Variants in LGMN observed in about 807,000 individuals in gnomAD.
The protein encoded by LGMN is asparaginyl endopeptidase.
In LGMN, 36 loss-of-function variants were observed where a neutral mutation model predicts 56.8. The ratio of observed to expected loss-of-function variants is 0.63; its 90% CI spans 0.49 to 0.84. The LOEUF is 0.84. Ranked by LOEUF, LGMN falls within the 40% of genes least tolerant of loss-of-function variation. The pLI is 0.00. For missense variants in LGMN, 446 were observed against 556.1 expected (o/e 0.80, Z 1.99); for synonymous variants, 199 against 210.1 (o/e 0.95, Z 0.46).
At chr14:92,732,308 T>G in intron 2 of LGMN, 1 of 254,582 alleles carries the variant, frequency 3.9e-6, no homozygotes, top group South Asian at 5.1e-5. Flanking sequence ...CTGCTAAACC[T>G]CAAATGCACA....
Position 92,714,287 on chromosome 14 carries a change from T to G in LGMN, c.480+89A>C. On this transcript the variant is annotated intron_variant, in intron 6 of 13. Transcript: ENST00000334869. This position sits in a 1 kb window ranked among gnomAD's most constrained non-coding sequence, Gnocchi z 5.1. ...GTACAAACCAACCCTGGCAGGACAC[T>G]AGAAAATACACGCTATGGGTTTAAT... 1.1e-6 allele frequency: 1 copy of G among 917,064 alleles called. No homozygotes were observed. The highest frequency in any genetic ancestry group is 1.8e-6 in the Non-Finnish European group (1 of 571,052). 56.8% of individuals were successfully genotyped at this position (917,064 alleles called of 1,614,324 possible). A position where few individuals can be genotyped will look rare whatever the true frequency, so the allele number is the denominator to read the frequency against.
At chr14:92,736,338 G>C (rs939555908) in intron 1 of LGMN, among the ~76,000 whole-genome samples, 1 of 152,216 alleles carries the variant, frequency 6.6e-6, no homozygotes, top group Non-Finnish European at 1.5e-5. Context: ...GCTCACACCT[G>C]TAATCCCAGT....
At chr14:92,729,465 A>ACCCC (rs1890919898) in intron 2 of LGMN, among the ~76,000 whole-genome samples, 1 of 18,124 alleles carries the variant, frequency 5.5e-5, no homozygotes. Flanking sequence ...ACCTCAGATC[A>ACCCC]CGCCCCCCCC....
chr14:92,741,388 C>T (rs1891549517), intron 1 of LGMN: 1 of 152,158 alleles, frequency 6.6e-6, no homozygotes, highest in Admixed American at 6.5e-5. Flanking sequence ...AAGCCTACAC[C>T]TTAACCACCA....
At chr14:92,726,011 T>C (rs1331773927) in intron 2 of LGMN, among the ~76,000 whole-genome samples, 4 of 151,236 alleles carry the variant, frequency 2.6e-5, no homozygotes, top group African/African-American at 9.7e-5. Flanking sequence ...CTGAGGCAGG[T>C]GGATCATCAG....
rs1889981947 is a variant in LGMN at position 92,714,817 on chromosome 14, C to T, written c.405-366G>A. ...TCCAACCAGATCTCCCCAAAATGAC[C>T]TCAACACAGGCCTGCAGCCTCCCCC... is the stretch of plus-strand genomic sequence containing the variant. On this transcript the variant is annotated intron_variant, in intron 5 of 13. Coordinates refer to ENST00000334869, the MANE Select transcript of LGMN (RefSeq NM_005606.7). The surrounding 1 kb of genome is among the most constrained non-coding windows in gnomAD (Gnocchi z 5.1). 6.6e-6 allele frequency among the ~76,000 whole-genome samples: 1 copy of T among 152,096 alleles called. No individual in the cohort carries two copies. The highest frequency in any genetic ancestry group is 1.5e-5 in the Non-Finnish European group (1 of 68,028).
chr14:92,717,313 A>T, intron 4 of LGMN, 67 bp downstream of exon 4: 1 of 981,526 alleles, frequency 1.0e-6, no homozygotes, highest in Non-Finnish European at 1.6e-6. Flanking sequence ...GAAACAGAAG[A>T]AAGAGGGAAA....
chr14:92,719,297 C>T (rs1890307619), intron 2 of LGMN, among the ~76,000 whole-genome samples: 1 of 100,344 alleles, frequency 1.0e-5, no homozygotes, highest in African/African-American at 4.4e-5. Flanking sequence ...GCCGCCGCCG[C>T]CGCCACCGCC....
intron 1 of LGMN, among the ~76,000 whole-genome samples, chr14:92,740,645 C>T (rs1280920974): frequency 2.6e-5 from 4 of 152,192 alleles, no homozygotes; most frequent in African/African-American, 7.2e-5. Context: ...CAGTTTCCTC[C>T]GGCAGTAGGA....
At chr14:92,731,674 C>T (rs1465845713) in intron 2 of LGMN, among the ~76,000 whole-genome samples, 1 of 152,222 alleles carries the variant, frequency 6.6e-6, no homozygotes, top group African/African-American at 2.4e-5. Context: ...GAATAAATCA[C>T]ATTGTGTTTC....
At chr14:92,748,123 C>A (rs1428313578) in intron 1 of LGMN, among the ~76,000 whole-genome samples, 3 of 152,138 alleles carry the variant, frequency 2.0e-5, no homozygotes, top group Admixed American at 6.5e-5. Flanking sequence ...GTTCCTAGGT[C>A]GTAAAGGCTG....
intron 1 of LGMN, among the ~76,000 whole-genome samples, chr14:92,739,465 C>T (rs1419339514): frequency 6.6e-6 from 1 of 152,190 alleles, no homozygotes. Context: ...CATTCACCCC[C>T]ACCCCGAATC....
chr14:92,742,236 G>C (rs1373423590), intron 1 of LGMN, among the ~76,000 whole-genome samples: 2 of 150,034 alleles, frequency 1.3e-5, no homozygotes, highest in South Asian at 2.1e-4. Context: ...CCATACTGAA[G>C]TCTCTCTCTC....
chr14:92,710,233 G>A (rs2140210040), intron 10 of LGMN, among the ~76,000 whole-genome samples: 1 of 152,364 alleles, frequency 6.6e-6, no homozygotes, highest in East Asian at 1.9e-4. Context: ...CCCTTCATAT[G>A]TAAAAGAATA....
chr14:92,730,860 G>T (rs1224376354), intron 2 of LGMN, among the ~76,000 whole-genome samples: 1 of 151,750 alleles, frequency 6.6e-6, no homozygotes, highest in African/African-American at 2.4e-5. Context: ...AACTTGGGAG[G>T]TGGAAGCTGC....
intron 1 of LGMN, among the ~76,000 whole-genome samples, chr14:92,739,157 A>T (rs1001156740): frequency 6.6e-6 from 1 of 152,208 alleles, no homozygotes; most frequent in Admixed American, 6.5e-5. Flanking sequence ...CATGCCTCAA[A>T]GTAGCTACCT....
At chr14:92,713,418 A>G (rs1457834784) in intron 7 of LGMN, among the ~76,000 whole-genome samples, 3 of 152,066 alleles carry the variant, frequency 2.0e-5, no homozygotes, top group Non-Finnish European at 4.4e-5. Flanking sequence ...AAAGGGTGCT[A>G]TAGGGGTGAG....
At position 92,726,237 on chromosome 14, in the gene LGMN, CA is replaced by C. The variant is rs371855377; in HGVS notation, c.138+6411del. ...GGGCAACAAGATTGAGGCTCTGTCT[CA>C]AAAAAAAAAAAAAAATTAAATAAGT... On this transcript the variant is annotated intron_variant, in intron 2 of 13. Coordinates refer to ENST00000334869, the MANE Select transcript of LGMN (RefSeq NM_005606.7). 7.3e-3 allele frequency among the ~76,000 whole-genome samples: 863 copies of C among 117,832 alleles called. 9 individuals are homozygous for C. The highest frequency in any genetic ancestry group is 0.038 in the South Asian group (145 of 3,818). 77.3% of individuals were successfully genotyped at this position (117,832 alleles called of 152,430 possible).
Position 92,714,302 on chromosome 14 carries a change from A to G in LGMN, c.480+74T>C. 1 of 1,035,668 alleles carries G rather than the reference A, an allele frequency of 9.7e-7. No homozygotes were observed. Among genetic ancestry groups the G allele is most frequent in the Non-Finnish European group, 1.5e-6 (1 of 664,874 alleles). The allele number at this position is 1,035,668 out of a possible 1,614,324, so 64.2% of individuals were successfully genotyped here. On this transcript the variant is annotated intron_variant, in intron 6 of 13. Coordinates refer to ENST00000334869, the MANE Select transcript of LGMN (RefSeq NM_005606.7). The surrounding 1 kb of genome is among the most constrained non-coding windows in gnomAD (Gnocchi z 5.1). ...GGCAGGACACTAGAAAATACACGCT[A>G]TGGGTTTAATCTCGACACCTAGGCT...
Sources: gnomAD v4.1 joint callset for allele counts (sites outside exome capture counted in the v4.1 genomes callset) on GRCh38, gnomAD v4.1.1 for gene constraint, Gnocchi (gnomAD v3.1) non-coding constraint, MANE v1.5 for transcripts, NCBI Gene and HGNC (gene_info 2026-07-23, HGNC 2026-07-21) for gene names.